The following PKN3 variants were observed in gnomAD, a reference collection of about 807,000 sequenced individuals.
The protein encoded by PKN3 is protein kinase N3, also known as serine/threonine-protein kinase N3.
A neutral mutation model predicts 113.1 loss-of-function variants in PKN3; 91 were observed. That is an observed-to-expected ratio of 0.80 (90% CI 0.68 to 0.96). PKN3 has a LOEUF of 0.96. PKN3 is among the 40% of genes least tolerant of loss of function. The pLI, the probability that PKN3 is intolerant of heterozygous loss-of-function variation, is 0.00. For missense variants in PKN3, 1,052 were observed against 1,202.2 expected (o/e 0.88, Z 1.85); for synonymous variants, 467 against 499.0 (o/e 0.94, Z 0.85).
Position 128,714,864 on chromosome 9 carries a change from A to G in PKN3, c.1651A>G (p.Arg551Gly). ...RGPSPPASPT[R>G]KPPRLQDFRC... is the part of the protein sequence containing the mutation. ...GCCATCTCCACCAGCCTCCCCCACC[A>G]GGTACCCCATCCTGCGCACCTTCAT... Residue 551 changes from arginine to glycine, a missense_variant and splice_region_variant, in exon 13 of 22, where the codon AGG becomes GGG. By Grantham distance (125) the Arg-to-Gly change is moderately radical. Transcript: ENST00000291906. 1.9e-6 allele frequency: 3 copies of G among 1,613,606 alleles called. No homozygotes were observed. The highest frequency in any genetic ancestry group is 1.7e-6 in the Non-Finnish European group (2 of 1,179,650).
In PKN3 at chr9:128,715,028, G is replaced by A; in HGVS notation, c.1653-144G>A. The stretch of plus-strand genomic sequence containing the variant: ...ATTATTGAGCTCCAGCTCTATGCCG[G>A]CTTCTAGGAGTCCTTACTGCAGGGC... On this transcript the variant is annotated intron_variant, in intron 13 of 21. Transcript: ENST00000291906. This position sits in a 1 kb window ranked among gnomAD's most constrained non-coding sequence, Gnocchi z 4.1. 9.5e-7 allele frequency: 1 copy of A among 1,053,604 alleles called. No individual in the cohort carries two copies. Among genetic ancestry groups the A allele is most frequent in the Non-Finnish European group, 1.4e-6 (1 of 691,896 alleles). The allele number at this position is 1,053,604 out of a possible 1,614,324, so 65.3% of individuals were successfully genotyped here. A position where few individuals can be genotyped will look rare whatever the true frequency, so the allele number is the denominator to read the frequency against.
intron 1 of PKN3, among the ~76,000 whole-genome samples, chr9:128,704,933 AAAAG>A (rs1316692402): frequency 2.0e-5 from 3 of 151,944 alleles, no homozygotes; most frequent in African/African-American, 7.2e-5. Context: ...AAAAAAAAGA[AAAAG>A]AAAAAGAAAA....
At chr9:128,704,486 G>A (rs559893314) in intron 1 of PKN3, among the ~76,000 whole-genome samples, 5 of 152,270 alleles carry the variant, frequency 3.3e-5, no homozygotes, top group Non-Finnish European at 7.4e-5. Flanking sequence ...TCTACTTTGG[G>A]TCCCAGATGT....
chr9:128,713,033 C>G lies in PKN3; in HGVS notation c.836-19C>G. On this transcript the variant is annotated intron_variant, in intron 6 of 21. Transcript: ENST00000291906. ...GGAAGATGGCATCTGACAACGCCCCCCGCTCACTCTCCCCACAGGGACACT... is the reference window on the plus strand; with the variant it reads ...GGAAGATGGCATCTGACAACGCCCCGCGCTCACTCTCCCCACAGGGACACT... 2.5e-6 allele frequency: 4 copies of G among 1,578,230 alleles called. No individual in the cohort carries two copies. Among genetic ancestry groups the G allele is most frequent in the Non-Finnish European group, 3.5e-6 (4 of 1,159,014 alleles).
chr9:128,720,672 T>G lies in PKN3; in HGVS notation c.*66T>G, dbSNP rs982433725. 2.1e-6 allele frequency: 3 copies of G among 1,411,530 alleles called. No individual in the cohort carries two copies. The African/African-American group carries it at 4.2e-5, about 20-fold the overall frequency. The allele number at this position is 1,411,530 out of a possible 1,614,324, so 87.4% of individuals were successfully genotyped here. A position where few individuals can be genotyped will look rare whatever the true frequency, so the allele number is the denominator to read the frequency against. On this transcript the variant is annotated 3_prime_UTR_variant, in exon 22 of 22. Coordinates refer to ENST00000291906, the MANE Select transcript of PKN3 (RefSeq NM_013355.5). This position sits in a 1 kb window ranked among gnomAD's most constrained non-coding sequence, Gnocchi z 5.5. The stretch of plus-strand genomic sequence containing the variant: ...GTTAGAGCCTCTGCTCGTTCACCCG[T>G]GCGCCCTGCCTGGAGGTCCAGGCCT...
chr9:128,714,013 G>T, intron 9 of PKN3, 33 bp from the exon 10 acceptor site: 1 of 1,610,306 alleles, frequency 6.2e-7, no homozygotes, highest in Non-Finnish European at 8.5e-7. Context: ...GATGGGAGGC[G>T]ACTGGTCCAC....
At chr9:128,717,692 C>T (rs1201094046) in intron 16 of PKN3, among the ~76,000 whole-genome samples, 7 of 142,210 alleles carry the variant, frequency 4.9e-5, no homozygotes, top group East Asian at 2.1e-4. Flanking sequence ...CCCGCCACTT[C>T]GGTCTGGCGA....
Position 128,706,380 on chromosome 9 carries a change from G to A in PKN3, c.412-333G>A, listed in dbSNP as rs558305932. Among the ~76,000 whole-genome samples, 350 of 150,910 alleles carry A rather than the reference G, an allele frequency of 2.3e-3. 3 individuals carry two copies. The highest frequency in any genetic ancestry group is 3.4e-3 in the Non-Finnish European group (233 of 67,708). Reference sequence around the variant, plus strand: ...AAGCATCAACCCTGCTCTGATGGGGGAGGCATGACCACAGCCCTGATCTGA... The same window carrying A: ...AAGCATCAACCCTGCTCTGATGGGGAAGGCATGACCACAGCCCTGATCTGA... On this transcript the variant is annotated intron_variant, in intron 3 of 21. Transcript: ENST00000291906.
Position 128,713,043 on chromosome 9 carries a change from T to C in PKN3, c.836-9T>C. On this transcript the variant is annotated splice_polypyrimidine_tract_variant and intron_variant, in intron 6 of 21. Transcript: ENST00000291906. ...ATCTGACAACGCCCCCCGCTCACTC[T>C]CCCCACAGGGACACTGCAGGTCCGC... is the stretch of plus-strand genomic sequence containing the variant. 6.3e-7 allele frequency: 1 copy of C among 1,586,030 alleles called. No homozygotes were observed. The highest frequency in any genetic ancestry group is 8.6e-7 in the Non-Finnish European group (1 of 1,162,688).
intron 1 of PKN3, chr9:128,703,350 G>C (rs1861911522): frequency 1.0e-6 from 1 of 984,504 alleles, no homozygotes; most frequent in South Asian, 4.7e-5. Context: ...TGCGCGCAGC[G>C]GGGGGCGCAG....
In PKN3 at chr9:128,706,756, G is replaced by A. The variant is rs749266685; in HGVS notation, c.455G>A (p.Ser152Asn). Residue 152 changes from serine (S) to asparagine (N), a missense_variant, in exon 4 of 22, where the codon AGC (serine) becomes AAC (asparagine). Coordinates refer to ENST00000291906, the MANE Select transcript of PKN3 (RefSeq NM_013355.5). ...GCTGCCCAGCAGATGCTGCGGGACA[G>A]CCAGCTGAAGGTGGCCCTGCTGCGG... ...LAAAQQMLRDSQLKVALLRMK... is the reference protein window; with the variant it reads ...LAAAQQMLRDNQLKVALLRMK... 6.2e-7 allele frequency: 1 copy of A among 1,606,580 alleles called. No homozygotes were observed. The highest frequency in any genetic ancestry group is 8.5e-7 in the Non-Finnish European group (1 of 1,176,586).
Position 128,705,815 on chromosome 9 carries a change from T to G in PKN3, c.347T>G (p.Val116Gly). Reference protein sequence around the residue: ...HLEALRRQLHVELKVKQGAEN... With the variant: ...HLEALRRQLHGELKVKQGAEN... Reference sequence around the variant, plus strand: ...GAGGCTCTCCGGAGGCAGCTGCATGTGGAGCTGAAGGTGAAGCAGGGGGCT... The same window carrying G: ...GAGGCTCTCCGGAGGCAGCTGCATGGGGAGCTGAAGGTGAAGCAGGGGGCT... Residue 116 changes from valine to glycine, a missense_variant, in exon 3 of 22, where the codon GTG becomes GGG. This residue lies in a region of PKN3 where 719 missense variants were observed against 759.4 expected (regional missense o/e 0.95). Transcript: ENST00000291906. 6.2e-7 allele frequency: 1 copy of G among 1,609,166 alleles called. No individual in the cohort carries two copies.
In PKN3 at chr9:128,705,563, C is replaced by T. The variant is rs1861988653; in HGVS notation, c.265+20C>T. On this transcript the variant is annotated intron_variant, in intron 2 of 21. Coordinates refer to ENST00000291906, the MANE Select transcript of PKN3 (RefSeq NM_013355.5). Reference sequence around the variant, plus strand: ...CAGCTGGTGAGTGAGGAGCTGAGACCCCCTCAGGACAGAAGGCTCTAGGCC... The same window carrying T: ...CAGCTGGTGAGTGAGGAGCTGAGACTCCCTCAGGACAGAAGGCTCTAGGCC... 2 of 1,552,054 alleles carry T rather than the reference C, an allele frequency of 1.3e-6. No individual in the cohort carries two copies. The highest frequency in any genetic ancestry group is 1.7e-6 in the Non-Finnish European group (2 of 1,148,694).
chr9:128,702,934 C>A lies in PKN3; in HGVS notation c.19C>A (p.Arg7=). 1 of 1,457,948 alleles carries A rather than the reference C, an allele frequency of 6.9e-7. No individual in the cohort carries two copies. The allele number at this position is 1,457,948 out of a possible 1,614,324, so 90.3% of individuals were successfully genotyped here. ...CGGCGCCATGGAGGAGGGGGCGCCG[C>A]GGCAGGTGAACGGCGTGGGAGGGGC... MEEGAP[R]QPGPSQWPPE... Residue 7 remains arginine (R), a synonymous_variant, in exon 1 of 22, where the codon CGG becomes AGG. Coordinates refer to ENST00000291906, the MANE Select transcript of PKN3 (RefSeq NM_013355.5).
At position 128,718,555 on chromosome 9, in the gene PKN3, G is replaced by A; in HGVS notation, c.2055G>A (p.Leu685=). 6.2e-7 allele frequency: 1 copy of A among 1,614,090 alleles called. No homozygotes were observed. Among genetic ancestry groups the A allele is most frequent in the Non-Finnish European group, 8.5e-7 (1 of 1,180,016 alleles). ...TCTGCACCCTTGCCCTCAGGGACCT[G>A]AAGTTGGATAACCTTCTGCTGGATG... ...LHEKKIIYRD[L]KLDNLLLDAQ... The change falls in exon 18 of 22, where the codon CTG becomes CTA. Residue 685 remains leucine (L), a synonymous_variant. Coordinates refer to ENST00000291906, the MANE Select transcript of PKN3 (RefSeq NM_013355.5).
chr9:128,703,110 T>C (rs920218390), intron 1 of PKN3, among the ~76,000 whole-genome samples, 171 bp downstream of exon 1: 1 of 152,088 alleles, frequency 6.6e-6, no homozygotes, highest in Non-Finnish European at 1.5e-5. Context: ...AGACCTGATC[T>C]CCGGGTTCGG....
At chr9:128,718,762 C>T (rs1862420601) in intron 18 of PKN3, 137 bp downstream of exon 18, 2 of 778,206 alleles carry the variant, frequency 2.6e-6, no homozygotes. Context: ...GACCTCATTC[C>T]AGGGGACAGC....
chr9:128,717,502 C>T (rs1042346371), intron 16 of PKN3, among the ~76,000 whole-genome samples: 17 of 151,170 alleles, frequency 1.1e-4, no homozygotes, highest in African/African-American at 3.4e-4. Context: ...GAGGCTGAGG[C>T]GGGTGGATCA....
In PKN3 at chr9:128,702,762, C is replaced by A; in HGVS notation, c.-154C>A. On this transcript the variant is annotated 5_prime_UTR_variant, in exon 1 of 22. Transcript: ENST00000291906. ...GCGCGGACGGGAGGCGGCGCTGGTCCCGCGGGCCAGCGGGTCTCGGGAGGG... is the reference window on the plus strand; with the variant it reads ...GCGCGGACGGGAGGCGGCGCTGGTCACGCGGGCCAGCGGGTCTCGGGAGGG... 1.7e-6 allele frequency: 1 copy of A among 582,708 alleles called. No homozygotes were observed. Among genetic ancestry groups the A allele is most frequent in the Non-Finnish European group, 2.9e-6 (1 of 341,988 alleles). The allele number at this position is 582,708 out of a possible 1,614,324, so 36.1% of individuals were successfully genotyped here. A position where few individuals can be genotyped will look rare whatever the true frequency, so the allele number is the denominator to read the frequency against.
Sources: gnomAD v4.1 joint callset for allele counts (sites outside exome capture counted in the v4.1 genomes callset) on GRCh38, gnomAD v4.1.1 for gene constraint, gnomAD v4.1.1 regional missense constraint, Gnocchi (gnomAD v3.1) non-coding constraint, MANE v1.5 for transcripts, NCBI Gene and HGNC (gene_info 2026-07-23, HGNC 2026-07-21) for gene names.